DENND2D: variants seen among roughly 807,000 people sequenced by gnomAD.
DENND2D encodes the protein DENN domain-containing protein 2D.
DENND2D carries 37 observed loss-of-function variants against 59.8 expected under a neutral mutation model. The observed-to-expected ratio is 0.62, with a 90% CI of 0.48 to 0.81. The LOEUF (loss-of-function observed/expected upper bound fraction) is 0.81. Among genes scored for constraint, DENND2D ranks in the 40% least tolerant of loss-of-function variants. The pLI is 0.00. For missense variants in DENND2D, 525 were observed against 579.7 expected, an observed-to-expected ratio of 0.91 and a Z score of 0.97; for synonymous variants, 219 against 211.3, an observed-to-expected ratio of 1.04 and a Z score of -0.31.
rs1324405832 is a variant in DENND2D, at chr1:111,186,482, T to C, written c.*1123A>G. 6.6e-6 allele frequency among the ~76,000 whole-genome samples: 1 copy of C among 152,138 alleles called. No individual in the cohort carries two copies. The highest frequency in any genetic ancestry group is 1.5e-5 in the Non-Finnish European group (1 of 68,018). Reference sequence around the variant, plus strand: ...AAACTTTTGTGTTCTTTGTATAGAATTTAGGAACTTCTGAGGGCCACAAAT... The same window carrying C: ...AAACTTTTGTGTTCTTTGTATAGAACTTAGGAACTTCTGAGGGCCACAAAT... On this transcript the variant is annotated 3_prime_UTR_variant, in exon 12 of 12. Transcript: ENST00000357640.
chr1:111,197,015 A>G (rs1658295187), intron 5 of DENND2D, 161 bp downstream of exon 5: 1 of 760,470 alleles, frequency 1.3e-6, no homozygotes, highest in Admixed American at 2.6e-5. Flanking sequence ...CTTTTCCCTT[A>G]AGTCAAGTGC....
chr1:111,190,683 C>G (rs1331832601), intron 8 of DENND2D, among the ~76,000 whole-genome samples: 1 of 152,182 alleles, frequency 6.6e-6, no homozygotes, highest in Non-Finnish European at 1.5e-5. Context: ...GCCCGCTGGG[C>G]CTCTCTTTTC....
rs533745407 is a variant in DENND2D at position 111,190,163 on chromosome 1, C to CAAAAAAAAAA, written c.973-920_973-911dup. ...TGGGCGACACAGCGAGACTCTGTCT[C>CAAAAAAAAAA]AAAAAAAAAAAAAAAAAAAACTACC... On this transcript the variant is annotated intron_variant, in intron 8 of 11. Transcript: ENST00000357640. Among the ~76,000 whole-genome samples the CAAAAAAAAAA allele has an allele frequency of 2.3e-5, 2 of 85,304 alleles. 1 individual carries two copies. The allele number at this position is 85,304 out of a possible 152,430, so 56.0% of individuals were successfully genotyped here.
At chr1:111,198,173 GGTAGGTTCA>G (rs1658432490) in intron 3 of DENND2D, among the ~76,000 whole-genome samples, 184 bp from the exon 4 acceptor site, 4 of 152,188 alleles carry the variant, frequency 2.6e-5, no homozygotes, top group Admixed American at 2.6e-4. Flanking sequence ...AACTCTTTGA[GGTAGGTTCA>G]GTAATTATTC....
Position 111,188,250 on chromosome 1 carries a change from C to G in DENND2D, c.1220G>C (p.Arg407Thr). ...EANGQGHFQE[R>T]SFCKALTSKT... Reference sequence around the variant, plus strand: ...GGAGGTCAGAGCCTTACAGAAGGATCTTTCTTGGAAGTGGCCTTGCCCATT... The same window carrying G: ...GGAGGTCAGAGCCTTACAGAAGGATGTTTCTTGGAAGTGGCCTTGCCCATT... The change falls in exon 11 of 12, where the codon AGA becomes ACA. Residue 407 changes from arginine to threonine, a missense_variant. By Grantham distance (71) the Arg-to-Thr change is moderately conservative. Transcript: ENST00000357640. The G allele has an allele frequency of 6.2e-7, 1 of 1,614,158 alleles. No individual in the cohort carries two copies. Among genetic ancestry groups the G allele is most frequent in the Non-Finnish European group, 8.5e-7 (1 of 1,180,038 alleles).
At position 111,186,920 on chromosome 1, in the gene DENND2D, C is replaced by G. The variant is rs141894557; in HGVS notation, c.*685G>C. Among the ~76,000 whole-genome samples, 1 of 152,170 alleles carries G rather than the reference C, an allele frequency of 6.6e-6. No homozygotes were observed. Among genetic ancestry groups the G allele is most frequent in the Non-Finnish European group, 1.5e-5 (1 of 68,034 alleles). ...CCCTTCAGTGAGCAGCCTCTCCTCC[C>G]AGGATTCTGGAAAGCACACCTGACT... On this transcript the variant is annotated 3_prime_UTR_variant, in exon 12 of 12. Coordinates refer to ENST00000357640, the MANE Select transcript of DENND2D (RefSeq NM_024901.5).
At chr1:111,197,307 C>G (rs1658336387) in intron 4 of DENND2D, 54 bp from the exon 5 acceptor site, 1 of 1,577,086 alleles carries the variant, frequency 6.3e-7, no homozygotes. Flanking sequence ...AAGGGCTTCT[C>G]CCAACTGGGT....
At chr1:111,198,411 G>A (rs577241346) in intron 3 of DENND2D, among the ~76,000 whole-genome samples, 10 of 152,322 alleles carry the variant, frequency 6.6e-5, no homozygotes, top group Admixed American at 3.9e-4. Flanking sequence ...TAGGACAGGT[G>A]GGAGAATCTG....
chr1:111,200,291 C>A lies in DENND2D; in HGVS notation c.67+102G>T, dbSNP rs1005354162. 4.7e-5 allele frequency: 70 copies of A among 1,484,004 alleles called. No homozygotes were observed. In the African/African-American group the frequency reaches 9.1e-4, roughly 19 times the overall value. 91.9% of individuals were successfully genotyped at this position (1,484,004 alleles called of 1,614,324 possible). On this transcript the variant is annotated intron_variant, in intron 1 of 11. Transcript: ENST00000357640. ...AGTCACATGGGGAACCATGTGGAGG[C>A]CGAGATATAAAGGAAGAGGAGGAAG...
Position 111,196,905 on chromosome 1 carries a change from G to A in DENND2D, c.504+271C>T, listed in dbSNP as rs143240227. On this transcript the variant is annotated intron_variant, in intron 5 of 11. Coordinates refer to ENST00000357640, the MANE Select transcript of DENND2D (RefSeq NM_024901.5). ...GAGGAAATTGAAACTCAGGGCAGAA[G>A]TTTCTTCTGCTTGTCCTACTTCAAC... 1.2e-4 allele frequency: 51 copies of A among 412,352 alleles called. No homozygotes were observed. The East Asian group carries it at 2.0e-3, about 16-fold the overall frequency. The allele number at this position is 412,352 out of a possible 1,614,324, so 25.5% of individuals were successfully genotyped here.
At chr1:111,197,082 A>AG in intron 5 of DENND2D, 94 bp downstream of exon 5, 1 of 1,375,808 alleles carries the variant, frequency 7.3e-7, no homozygotes, top group East Asian at 2.5e-5. Context: ...TGGCTATGGG[A>AG]GAAGAGCTCC....
chr1:111,198,023 G>C, intron 3 of DENND2D, 34 bp from the exon 4 acceptor site: 1 of 1,604,846 alleles, frequency 6.2e-7, no homozygotes, highest in Non-Finnish European at 8.5e-7. Context: ...GATTTGTATT[G>C]CTCACTGAAT....
upstream of DENND2D, chr1:111,201,216 A>C (rs1301859948): frequency 1.3e-5 from 2 of 152,314 alleles, no homozygotes; most frequent in Non-Finnish European, 2.9e-5. Context: ...ATGGTGCAGT[A>C]GAGAGCAAAA....
chr1:111,198,013 G>C (rs1557962364), intron 3 of DENND2D, 24 bp from the exon 4 acceptor site: 2 of 1,609,922 alleles, frequency 1.2e-6, no homozygotes, highest in Non-Finnish European at 1.7e-6. Context: ...GACAAGGCTT[G>C]ATTTGTATTG....
At chr1:111,203,508 G>T (rs1659006068), upstream of DENND2D, among the ~76,000 whole-genome samples, 4 of 152,256 alleles carry the variant, frequency 2.6e-5, no homozygotes, top group South Asian at 8.3e-4. Context: ...CCGAGTGAAT[G>T]AATAAATGAA....
intron 7 of DENND2D, among the ~76,000 whole-genome samples, chr1:111,193,873 G>C (rs774477663): frequency 6.6e-6 from 1 of 152,202 alleles, no homozygotes; most frequent in Non-Finnish European, 1.5e-5. Flanking sequence ...TATACACAGG[G>C]ATATACTCAA....
intron 5 of DENND2D, 173 bp downstream of exon 5, chr1:111,197,003 C>G (rs1658293986): frequency 4.3e-6 from 3 of 704,166 alleles, no homozygotes; most frequent in Non-Finnish European, 7.0e-6. Flanking sequence ...ATTCAATTTC[C>G]ACTTTTCCCT....
intron 5 of DENND2D, chr1:111,196,293 T>C (rs779205162): frequency 9.2e-5 from 40 of 432,924 alleles, no homozygotes; most frequent in Non-Finnish European, 1.4e-4. Context: ...GCTTCCTTTT[T>C]ATTATCTCTC....
Position 111,194,698 on chromosome 1 carries a change from G to C in DENND2D, c.674C>G (p.Ser225Cys). Residue 225 changes from serine to cysteine, a missense_variant, in exon 7 of 12, where the codon TCC (serine) becomes TGC (cysteine). Transcript: ENST00000357640. ...ACTAAAATCCACATGTTCTAGGTGG[G>C]AGTCCAGGGGCCGTGTCAGTGAAAT... ...EFISLTRPLDSHLEHVDFSSL... is the reference protein window; with the variant it reads ...EFISLTRPLDCHLEHVDFSSL... The C allele has an allele frequency of 6.2e-7, 1 of 1,614,056 alleles. No individual in the cohort carries two copies. The highest frequency in any genetic ancestry group is 8.5e-7 in the Non-Finnish European group (1 of 1,180,002).
Sources: allele counts gnomAD v4.1 joint callset (sites outside exome capture counted in the v4.1 genomes callset), GRCh38; gene constraint gnomAD v4.1.1; transcripts MANE v1.5; gene names NCBI Gene and HGNC (gene_info 2026-07-23, HGNC 2026-07-21).